Variants in BST1 observed in about 807,000 individuals in gnomAD.
BST1 encodes ADP-ribosyl cyclase/cyclic ADP-ribose hydrolase 2.
BST1 carries 49 observed loss-of-function variants against 40.6 expected under a neutral mutation model. The ratio of observed to expected loss-of-function variants is 1.21; its 90% confidence interval spans 0.96 to 1.53. The LOEUF (loss-of-function observed/expected upper bound fraction) is 1.53, where lower values mean the gene tolerates loss of function less well. BST1 is among the 40% of genes most tolerant of loss of function. The pLI, the probability that BST1 is intolerant of heterozygous loss-of-function variation, is 0.00. For missense variants in BST1, 423 were observed against 395.9 expected (o/e 1.07, Z -0.58); for synonymous variants, 157 against 159.3 (o/e 0.99, Z 0.11).
the BST1 span, among the ~76,000 whole-genome samples, chr4:15,770,787 T>C: frequency 6.6e-5 from 10 of 152,358 alleles, no homozygotes; most frequent in African/African-American, 2.4e-4. Context: ...TTAATGCTTA[T>C]TTGTTGACTA....
At chr4:15,757,633 A>T in the BST1 span, among the ~76,000 whole-genome samples, 4 of 151,296 alleles carry the variant, frequency 2.6e-5, no homozygotes, top group African/African-American at 7.4e-5. Context: ...TCTTTTAAAA[A>T]TTTTATTTAT....
the BST1 span, among the ~76,000 whole-genome samples, chr4:15,771,701 A>G: frequency 3.9e-5 from 6 of 152,238 alleles, no homozygotes; most frequent in African/African-American, 1.4e-4. Context: ...GGCTGGCAAT[A>G]TCTTTCCAAA....
chr4:15,723,650 T>A, intron 8 of BST1: 1 of 958,260 alleles, frequency 1.0e-6, no homozygotes, highest in Non-Finnish European at 1.2e-6. Flanking sequence ...AATATAATCC[T>A]TGATTATATA....
At chr4:15,727,812 T>C (rs1721191219) in intron 8 of BST1, among the ~76,000 whole-genome samples, 1 of 152,000 alleles carries the variant, frequency 6.6e-6, no homozygotes, top group South Asian at 2.1e-4. Flanking sequence ...CTCAAATATG[T>C]TCTCCAGAGC....
chr4:15,771,331 G>A, the BST1 span, among the ~76,000 whole-genome samples: 1 of 152,152 alleles, frequency 6.6e-6, no homozygotes, highest in Admixed American at 6.5e-5. Context: ...CAGCAACAGG[G>A]TGTGGTAGGA....
the BST1 span, among the ~76,000 whole-genome samples, chr4:15,754,196 A>T: frequency 6.6e-6 from 1 of 152,154 alleles, no homozygotes; most frequent in African/African-American, 2.4e-5. Context: ...CAGATGTGAT[A>T]ATCCCCACGA....
chr4:15,740,452 A>T (rs1721716768), downstream of BST1, among the ~76,000 whole-genome samples: 1 of 152,142 alleles, frequency 6.6e-6, no homozygotes, highest in African/African-American at 2.4e-5. Context: ...ATAGTCTAGT[A>T]TCGGGAGAGG....
chr4:15,723,060 T>G (rs772395140), intron 8 of BST1, 126 bp downstream of exon 8: 1 of 855,304 alleles, frequency 1.2e-6, no homozygotes. Context: ...GATTCTGGTT[T>G]GGCCTTATTT....
chr4:15,703,827 G>C (rs1242582819), intron 1 of BST1, among the ~76,000 whole-genome samples: 1 of 140,468 alleles, frequency 7.1e-6, no homozygotes, highest in Non-Finnish European at 1.5e-5. Flanking sequence ...CCAGAGGTGA[G>C]GTGTCTGTAT....
intron 8 of BST1, among the ~76,000 whole-genome samples, chr4:15,728,998 T>C (rs1721255337): frequency 6.6e-6 from 1 of 152,222 alleles, no homozygotes; most frequent in Non-Finnish European, 1.5e-5. Flanking sequence ...AAGAGAATTT[T>C]ACTAAGTTTT....
intron 1 of BST1, chr4:15,704,836 A>AT (rs1194678452): frequency 5.6e-6 from 4 of 713,516 alleles, no homozygotes; most frequent in African/African-American, 3.5e-5. Context: ...TTTCTTACTG[A>AT]TTTTTGTTCC....
At chr4:15,741,637 T>C (rs1481693207), downstream of BST1, among the ~76,000 whole-genome samples, 1 of 152,152 alleles carries the variant, frequency 6.6e-6, no homozygotes, top group African/African-American at 2.4e-5. Context: ...CATTTTTAAA[T>C]GGTTGAAAAA....
the BST1 span, among the ~76,000 whole-genome samples, chr4:15,750,871 A>T: frequency 6.6e-6 from 1 of 152,156 alleles, no homozygotes; most frequent in Admixed American, 6.5e-5. Flanking sequence ...CTCATATTAT[A>T]TTTCTACTGG....
the BST1 span, among the ~76,000 whole-genome samples, chr4:15,758,810 A>G: frequency 1.3e-5 from 2 of 150,218 alleles, no homozygotes; most frequent in Non-Finnish European, 2.9e-5. Context: ...AAGATCATTT[A>G]ATTAAGTTTT....
chr4:15,770,792 T>G, the BST1 span, among the ~76,000 whole-genome samples: 56 of 152,364 alleles, frequency 3.7e-4, no homozygotes, highest in African/African-American at 1.3e-3. Context: ...GCTTATTTGT[T>G]GACTACTTGC....
chr4:15,743,607 TCCTCCTGCC>T, the BST1 span: 1 of 311,882 alleles, frequency 3.2e-6, no homozygotes, highest in Non-Finnish European at 6.2e-6. Context: ...GGGAAGCTCT[TCCTCCTGCC>T]CCTCCTATTT....
rs1247186244 is a variant in BST1, at chr4:15,707,471, TTC to T, written c.316-38_316-37del. The T allele has an allele frequency of 8.7e-6, 14 of 1,611,806 alleles. No homozygotes were observed. The Admixed American group carries it at 1.2e-4, about 13-fold the overall frequency. On this transcript the variant is annotated intron_variant, in intron 2 of 8. Transcript: ENST00000265016. The stretch of plus-strand genomic sequence containing the variant: ...ATTGTGCCTGAGGAGTCGGTTTTGA[TTC>T]TGTTTTGTATTTTGATGTTTTGTTT...
At position 15,731,729 on chromosome 4, in the gene BST1, T is replaced by C. The variant is rs757234665; in HGVS notation, c.852-11T>C. 2 of 1,608,324 alleles carry C rather than the reference T, an allele frequency of 1.2e-6. No homozygotes were observed. Among genetic ancestry groups the C allele is most frequent in the Non-Finnish European group, 1.7e-6 (2 of 1,177,118 alleles). On this transcript the variant is annotated splice_polypyrimidine_tract_variant and intron_variant, in intron 8 of 8. Coordinates refer to ENST00000265016, the MANE Select transcript of BST1 (RefSeq NM_004334.3). ...TACTGACACTTTCTCTATTTCCTTG[T>C]TAATTTGCAGGGCAGCAGCCGCTAC...
the BST1 span, among the ~76,000 whole-genome samples, chr4:15,753,553 T>G: frequency 1.3e-5 from 2 of 152,178 alleles, no homozygotes; most frequent in African/African-American, 4.8e-5. Flanking sequence ...GAGTAGGGTC[T>G]TTAAGAATGT....
Sources: gnomAD v4.1 joint callset for allele counts (sites outside exome capture counted in the v4.1 genomes callset) on GRCh38, gnomAD v4.1.1 for gene constraint, MANE v1.5 for transcripts, NCBI Gene and HGNC (gene_info 2026-07-23, HGNC 2026-07-21) for gene names.